The following ABR variants were observed in gnomAD, a reference collection of about 807,000 sequenced individuals.
ABR encodes ABR activator of RhoGEF and GTPase.
ABR carries 35 observed loss-of-function variants against 107.2 expected under a neutral mutation model. That is an observed-to-expected ratio of 0.33 (90% CI 0.25 to 0.43). ABR has a LOEUF of 0.43. ABR is among the 20% of genes least tolerant of loss of function. ABR has a pLI of 1.00. For synonymous variants in ABR, 498 were observed against 462.0 expected (o/e 1.08, Z -1.00); for missense variants, 815 against 1,115.2 (o/e 0.73, Z 3.83).
intron 2 of ABR, among the ~76,000 whole-genome samples, chr17:1,109,455 G>C (rs960995022): frequency 2.6e-5 from 4 of 151,994 alleles, no homozygotes; most frequent in Admixed American, 6.5e-5. Flanking sequence ...CGCGCGTCGC[G>C]AGGTGGAGCC....
At chr17:1,076,815 C>A (rs62067903) in intron 6 of ABR, among the ~76,000 whole-genome samples, 3 of 152,054 alleles carry the variant, frequency 2.0e-5, no homozygotes, top group African/African-American at 7.3e-5. Context: ...CTCCCCACGG[C>A]CCCTGCACGC....
At chr17:1,129,276 GCCT>G (rs1567804179) in intron 1 of ABR, among the ~76,000 whole-genome samples, 3 of 152,146 alleles carry the variant, frequency 2.0e-5, no homozygotes, top group Admixed American at 1.3e-4. Context: ...AGGGGCTCAC[GCCT>G]GTAATCCCAG....
Position 1,034,173 on chromosome 17 carries a change from G to T in ABR, c.1791+15877C>A, listed in dbSNP as rs544033010. On this transcript the variant is annotated intron_variant, in intron 16 of 22. Coordinates refer to ENST00000302538, the MANE Select transcript of ABR (RefSeq NM_021962.5). ...TTTCGCAGAGACGAGGTTTCACCAT[G>T]CTGGCCAGGCTGGTCTCAAACTCCT... 2.6e-4 allele frequency among the ~76,000 whole-genome samples: 40 copies of T among 152,042 alleles called. 1 individual carries two copies. The highest frequency in any genetic ancestry group is 5.0e-4 in the Non-Finnish European group (34 of 67,986).
At chr17:1,100,798 G>C (rs1048546902) in intron 2 of ABR, 63 bp from the exon 3 acceptor site, 3 of 1,509,928 alleles carry the variant, frequency 2.0e-6, no homozygotes, top group East Asian at 2.3e-5. Context: ...CTGCGTGGAC[G>C]GTCTGCTTCC....
At chr17:1,079,451 T>C in intron 5 of ABR, 61 bp from the exon 6 acceptor site, 4 of 1,486,872 alleles carry the variant, frequency 2.7e-6, no homozygotes, top group Non-Finnish European at 3.7e-6. Flanking sequence ...CAGCCCCCAC[T>C]GTGAGCCTGG....
intron 1 of ABR, among the ~76,000 whole-genome samples, chr17:1,206,096 CAGA>C (rs1213011275): frequency 1.3e-5 from 2 of 152,052 alleles, no homozygotes; most frequent in South Asian, 2.1e-4. Context: ...AGCCTGGTGA[CAGA>C]AGGAGACTCC....
intron 1 of ABR, among the ~76,000 whole-genome samples, chr17:1,162,977 C>T (rs1054930170): frequency 6.6e-6 from 1 of 152,144 alleles, no homozygotes; most frequent in African/African-American, 2.4e-5. Context: ...GAGGCTGAGG[C>T]AAAAGAATCC....
chr17:1,102,474 CCT>C (rs2037965343), intron 2 of ABR, among the ~76,000 whole-genome samples: 1 of 152,192 alleles, frequency 6.6e-6, no homozygotes, highest in Admixed American at 6.5e-5. Context: ...TTTTGGCTCC[CCT>C]GAGCCACACT....
chr17:1,198,471 A>G (rs959871772), intron 1 of ABR, among the ~76,000 whole-genome samples: 5 of 151,626 alleles, frequency 3.3e-5, no homozygotes, highest in African/African-American at 4.9e-5. Context: ...GGCCAGGCAC[A>G]GTGGCTCAAA....
intron 3 of ABR, among the ~76,000 whole-genome samples, chr17:1,099,498 C>T (rs2037725647): frequency 6.6e-6 from 1 of 152,200 alleles, no homozygotes; most frequent in Non-Finnish European, 1.5e-5. Flanking sequence ...CTTAAATGTG[C>T]ATCTTAGAAT....
At chr17:1,053,387 C>G (rs75529449) in intron 14 of ABR, among the ~76,000 whole-genome samples, 2,245 of 5,234 alleles carry the variant, frequency 0.43, 634 homozygotes, top group East Asian at 0.84. Context: ...GGTTCCGGAA[C>G]GGGCTGGGGG....
Position 1,106,525 on chromosome 17 carries a change from G to C in ABR, c.247-5790C>G, listed in dbSNP as rs901378066. The stretch of plus-strand genomic sequence containing the variant: ...CCCTTTTATCAGTACTCTTCTCACA[G>C]TCTTTTTTTTTTTTTTTTTTTTGAG... On this transcript the variant is annotated intron_variant, in intron 2 of 22. Transcript: ENST00000302538. 4.0e-4 allele frequency among the ~76,000 whole-genome samples: 42 copies of C among 104,934 alleles called. No homozygotes were observed. The South Asian group carries it at 6.8e-3, about 17-fold the overall frequency. The allele number at this position is 104,934 out of a possible 152,430, so 68.8% of individuals were successfully genotyped here.
At chr17:1,036,111 ACCT>A (rs1447938887) in intron 16 of ABR, among the ~76,000 whole-genome samples, 1 of 150,562 alleles carries the variant, frequency 6.6e-6, no homozygotes, top group African/African-American at 2.4e-5. Flanking sequence ...TCCTGGAGTG[ACCT>A]CCTTTTTCCC....
At chr17:1,006,467 G>A (rs1249886626) in intron 22 of ABR, among the ~76,000 whole-genome samples, 1 of 152,196 alleles carries the variant, frequency 6.6e-6, no homozygotes, top group Non-Finnish European at 1.5e-5. Flanking sequence ...GCCCTTGGAA[G>A]CAACCTCAGA....
At chr17:1,100,233 C>T (rs1211149758) in intron 3 of ABR, among the ~76,000 whole-genome samples, 1 of 151,802 alleles carries the variant, frequency 6.6e-6, no homozygotes, top group Admixed American at 6.6e-5. Context: ...GGTAGAAGGA[C>T]TTGGACACAA....
At chr17:1,209,380 C>T (rs2042859739) in intron 1 of ABR, among the ~76,000 whole-genome samples, 1 of 151,934 alleles carries the variant, frequency 6.6e-6, no homozygotes, top group Non-Finnish European at 1.5e-5. Context: ...GGGTTCAAGC[C>T]ATTTTCCTGC....
chr17:1,148,613 G>A lies in ABR; in HGVS notation c.62-23246C>T, dbSNP rs926274884. ...CGAGCAGCAGCGGCATTAGGTTCTC[G>A]TAGGAGCGTGAGCCCTGTCGTGATC... On this transcript the variant is annotated intron_variant, in intron 1 of 22. Coordinates refer to ENST00000302538, the MANE Select transcript of ABR (RefSeq NM_021962.5). The surrounding 1 kb of genome is among the most constrained non-coding windows in gnomAD (Gnocchi z 4.9). 2.6e-5 allele frequency among the ~76,000 whole-genome samples: 4 copies of A among 152,206 alleles called. No individual in the cohort carries two copies. The highest frequency in any genetic ancestry group is 4.4e-5 in the Non-Finnish European group (3 of 68,036).
At chr17:1,144,055 G>A (rs554474781) in intron 1 of ABR, among the ~76,000 whole-genome samples, 20 of 152,180 alleles carry the variant, frequency 1.3e-4, no homozygotes, top group East Asian at 9.7e-4. Flanking sequence ...CCACCTGGCT[G>A]AGAAACAGCT....
chr17:1,024,486 C>G (rs1369384538), intron 16 of ABR, among the ~76,000 whole-genome samples: 1 of 152,092 alleles, frequency 6.6e-6, no homozygotes, highest in Non-Finnish European at 1.5e-5. Flanking sequence ...CCTCATTCCT[C>G]ATATATAAAA....
Sources: allele counts gnomAD v4.1 joint callset (sites outside exome capture counted in the v4.1 genomes callset), GRCh38; gene constraint gnomAD v4.1.1; non-coding constraint Gnocchi (gnomAD v3.1); transcripts MANE v1.5; gene names NCBI Gene and HGNC (gene_info 2026-07-23, HGNC 2026-07-21).